TMEM132B: variants seen among roughly 807,000 people sequenced by gnomAD.
TMEM132B encodes transmembrane protein 132B.
Under a neutral mutation model 90.8 loss-of-function variants are expected in TMEM132B, and 18 were observed. The observed-to-expected ratio is 0.20, with a 90% CI of 0.14 to 0.29. The LOEUF (loss-of-function observed/expected upper bound fraction) is 0.29, where lower values mean the gene tolerates loss of function less well. Ranked by LOEUF, TMEM132B falls within the 10% of genes least tolerant of loss-of-function variation. The probability of loss-of-function intolerance (pLI) is 1.00; values close to 1 mark genes in which losing one functional copy is unlikely to be tolerated. For synonymous variants in TMEM132B, 504 were observed against 523.3 expected (o/e 0.96, Z 0.50); for missense variants, 1,096 against 1,326.8 (o/e 0.83, Z 2.70).
At chr12:125,547,609 C>T (rs1263480990) in intron 4 of TMEM132B, among the ~76,000 whole-genome samples, 1 of 152,180 alleles carries the variant, frequency 6.6e-6, no homozygotes, top group Non-Finnish European at 1.5e-5. Flanking sequence ...CTTGTCTAGA[C>T]TTAAACCGCA....
chr12:125,609,686 G>A (rs1593020253), intron 5 of TMEM132B, among the ~76,000 whole-genome samples: 1 of 151,368 alleles, frequency 6.6e-6, no homozygotes. Flanking sequence ...GCGTGGTGGC[G>A]GGCGCCTGTA....
Position 125,314,148 on chromosome 12 carries a change from C to T in TMEM132B, c.68-35304C>T, listed in dbSNP as rs993217529. Among the ~76,000 whole-genome samples the T allele has an allele frequency of 2.0e-5, 3 of 152,272 alleles. No homozygotes were observed. In the East Asian group the frequency reaches 5.8e-4, roughly 29 times the overall value. On this transcript the variant is annotated intron_variant, in intron 1 of 8. Transcript: ENST00000682704. ...TGAGTGTGTGCAGGGGACTTGATTACGTTTTGTTTCTGTGAAAGTCTTGCT... is the reference window on the plus strand; with the variant it reads ...TGAGTGTGTGCAGGGGACTTGATTATGTTTTGTTTCTGTGAAAGTCTTGCT...
intron 4 of TMEM132B, among the ~76,000 whole-genome samples, chr12:125,531,226 C>T (rs756790006): frequency 3.9e-5 from 6 of 152,166 alleles, no homozygotes; most frequent in Non-Finnish European, 7.3e-5. Flanking sequence ...TGCTCTGCCA[C>T]TCAGGCTGGA....
At chr12:125,525,506 G>A (rs1342991549) in intron 4 of TMEM132B, among the ~76,000 whole-genome samples, 1 of 152,226 alleles carries the variant, frequency 6.6e-6, no homozygotes, top group East Asian at 1.9e-4. Flanking sequence ...CAGCAACAAG[G>A]CACCATCTTG....
At position 125,213,118 on chromosome 12, in the gene TMEM132B, T is replaced by G. The variant is rs568943940; in HGVS notation, c.67+26252T>G. 1.1e-3 allele frequency among the ~76,000 whole-genome samples: 166 copies of G among 152,344 alleles called. No homozygotes were observed. Among genetic ancestry groups the G allele is most frequent in the African/African-American group, 3.9e-3 (161 of 41,568 alleles). On this transcript the variant is annotated intron_variant, in intron 1 of 8. Transcript: ENST00000682704. This position sits in a 1 kb window ranked among gnomAD's most constrained non-coding sequence, Gnocchi z 4.2. ...ACCCCTGGCAAATACGCTTCTACTTTCTATTCTATGGATGTGCTGGTTCTG... is the reference window on the plus strand; with the variant it reads ...ACCCCTGGCAAATACGCTTCTACTTGCTATTCTATGGATGTGCTGGTTCTG...
chr12:125,215,879 A>T (rs961782813), intron 1 of TMEM132B, among the ~76,000 whole-genome samples: 2 of 152,218 alleles, frequency 1.3e-5, no homozygotes, highest in African/African-American at 4.8e-5. Flanking sequence ...GTCCACCTGG[A>T]TAACAGAAGG....
rs758513618 is a variant in TMEM132B at position 125,658,638 on chromosome 12, A to G, written c.*3928A>G. 1 of 152,264 alleles carries G rather than the reference A, an allele frequency of 6.6e-6. No homozygotes were observed. The highest frequency in any genetic ancestry group is 1.5e-5 in the Non-Finnish European group (1 of 68,042). The allele number at this position is 152,264 out of a possible 1,614,324, so 9.4% of individuals were successfully genotyped here. On this transcript the variant is annotated 3_prime_UTR_variant, in exon 9 of 9. Transcript: ENST00000682704. ...GGACGGTATGGATGGTGGAAAAGTT[A>G]TGCTAAAATATGGATTGCAGATATT...
chr12:125,275,072 T>C (rs889125061), intron 1 of TMEM132B, among the ~76,000 whole-genome samples: 5 of 152,236 alleles, frequency 3.3e-5, no homozygotes, highest in African/African-American at 9.6e-5. Context: ...TTCAGAATTA[T>C]CTTTTGTCTG....
chr12:125,261,392 T>C (rs1280338109), intron 1 of TMEM132B, among the ~76,000 whole-genome samples: 2 of 152,192 alleles, frequency 1.3e-5, no homozygotes, highest in Non-Finnish European at 2.9e-5. Flanking sequence ...GATGGGACTG[T>C]GTACCAGGTG....
chr12:125,659,743 A>C lies in TMEM132B; in HGVS notation c.*5033A>C, dbSNP rs1411177828. 1.3e-5 allele frequency: 2 copies of C among 152,210 alleles called. No homozygotes were observed. Among genetic ancestry groups the C allele is most frequent in the African/African-American group, 4.8e-5 (2 of 41,434 alleles). The allele number at this position is 152,210 out of a possible 1,614,324, so 9.4% of individuals were successfully genotyped here. On this transcript the variant is annotated 3_prime_UTR_variant, in exon 9 of 9. Coordinates refer to ENST00000682704, the MANE Select transcript of TMEM132B (RefSeq NM_001366854.1). The stretch of plus-strand genomic sequence containing the variant: ...ATAATAAATGCCCAATACCAAACCT[A>C]GTCTTTCTCCAGGCCCTTCAGACAT...
At chr12:125,237,354 G>A (rs943935279) in intron 1 of TMEM132B, among the ~76,000 whole-genome samples, 5 of 152,100 alleles carry the variant, frequency 3.3e-5, no homozygotes, top group Non-Finnish European at 7.4e-5. Flanking sequence ...TTCCTGCACC[G>A]CCCCAGCCCA....
At chr12:125,210,242 C>A (rs1215070928) in intron 1 of TMEM132B, among the ~76,000 whole-genome samples, 3 of 152,036 alleles carry the variant, frequency 2.0e-5, no homozygotes, top group Non-Finnish European at 4.4e-5. Flanking sequence ...AATGTTTGAA[C>A]AGAGATCCAG....
chr12:125,541,587 C>T (rs1386986284), intron 4 of TMEM132B, among the ~76,000 whole-genome samples: 1 of 151,892 alleles, frequency 6.6e-6, no homozygotes, highest in Non-Finnish European at 1.5e-5. Flanking sequence ...CTTTAATATG[C>T]CAAAGTGCTT....
intron 1 of TMEM132B, among the ~76,000 whole-genome samples, chr12:125,285,427 C>T (rs553434641): frequency 4.5e-4 from 68 of 152,328 alleles, no homozygotes; most frequent in African/African-American, 7.0e-4. Context: ...CGTGGCTCAG[C>T]GTCTAGGCCC....
chr12:125,288,479 A>AAAG (rs1555236487), intron 1 of TMEM132B, among the ~76,000 whole-genome samples: 10 of 148,382 alleles, frequency 6.7e-5, no homozygotes, highest in African/African-American at 1.8e-4. Flanking sequence ...AAAAAAAAAA[A>AAAG]AAGAGCTGCT....
chr12:125,555,141 A>G (rs1192939271), intron 4 of TMEM132B, among the ~76,000 whole-genome samples: 1 of 152,206 alleles, frequency 6.6e-6, no homozygotes, highest in East Asian at 1.9e-4. Context: ...TTATATGCTT[A>G]TAGTTAAGGA....
At chr12:125,231,520 T>C (rs577902344) in intron 1 of TMEM132B, among the ~76,000 whole-genome samples, 11 of 152,294 alleles carry the variant, frequency 7.2e-5, no homozygotes, top group African/African-American at 2.6e-4. Context: ...TTTGTCTTAA[T>C]AGAAGCGATG....
At position 125,659,199 on chromosome 12, in the gene TMEM132B, C is replaced by T. The variant is rs760109881; in HGVS notation, c.*4489C>T. The T allele has an allele frequency of 6.6e-6, 1 of 152,180 alleles. No homozygotes were observed. The highest frequency in any genetic ancestry group is 1.5e-5 in the Non-Finnish European group (1 of 68,040). 9.4% of individuals were successfully genotyped at this position (152,180 alleles called of 1,614,324 possible). A position where few individuals can be genotyped will look rare whatever the true frequency, so the allele number is the denominator to read the frequency against. ...GAAAACATTTCTTAAAAGTTGCCAA[C>T]GTATTTTACCTTGAAAACATTTCTT... On this transcript the variant is annotated 3_prime_UTR_variant, in exon 9 of 9. Transcript: ENST00000682704.
intron 1 of TMEM132B, among the ~76,000 whole-genome samples, chr12:125,339,750 A>G (rs1877113148): frequency 6.6e-6 from 1 of 152,106 alleles, no homozygotes; most frequent in Non-Finnish European, 1.5e-5. Flanking sequence ...ACGCAGTGCA[A>G]GAAGACAGAG....
Sources: gnomAD v4.1 joint callset for allele counts (sites outside exome capture counted in the v4.1 genomes callset) on GRCh38, gnomAD v4.1.1 for gene constraint, Gnocchi (gnomAD v3.1) non-coding constraint, MANE v1.5 for transcripts, NCBI Gene and HGNC (gene_info 2026-07-23, HGNC 2026-07-21) for gene names.